The following PDZRN4 variants were observed in gnomAD, a reference collection of about 807,000 sequenced individuals.
PDZRN4 encodes PDZ domain containing ring finger 4.
In PDZRN4, 70 loss-of-function variants were observed where a neutral mutation model predicts 99.0. The ratio of observed to expected loss-of-function variants is 0.71; its 90% CI spans 0.58 to 0.86. The LOEUF (loss-of-function observed/expected upper bound fraction) is 0.86, where lower values mean the gene tolerates loss of function less well. PDZRN4 is among the 40% of genes least tolerant of loss of function. The probability of loss-of-function intolerance (pLI) is 0.00; values close to 1 mark genes in which losing one functional copy is unlikely to be tolerated. For missense variants in PDZRN4, 1,474 were observed against 1,331.2 expected (o/e 1.11, Z -1.67); for synonymous variants, 551 against 501.6 (o/e 1.10, Z -1.32).
At chr12:41,396,848 T>C (rs2121132157) in intron 3 of PDZRN4, among the ~76,000 whole-genome samples, 1 of 152,330 alleles carries the variant, frequency 6.6e-6, no homozygotes, top group Non-Finnish European at 1.5e-5. Flanking sequence ...CAAAGTGATT[T>C]CTTCATATTT....
chr12:41,376,035 C>T (rs952358701), intron 3 of PDZRN4, among the ~76,000 whole-genome samples: 2 of 152,122 alleles, frequency 1.3e-5, no homozygotes, highest in African/African-American at 4.8e-5. Flanking sequence ...TAGCATAATG[C>T]CTTCAAGTTT....
chr12:41,318,972 A>C (rs1951657022), intron 3 of PDZRN4, among the ~76,000 whole-genome samples: 1 of 152,176 alleles, frequency 6.6e-6, no homozygotes, highest in Non-Finnish European at 1.5e-5. Flanking sequence ...TGGAAGAAAT[A>C]AGTAACTTCT....
rs146181707 is a variant in PDZRN4, at chr12:41,265,757, A to G, written c.843+71569A>G. On this transcript the variant is annotated intron_variant, in intron 3 of 9. Transcript: ENST00000402685. ...TCATTGCATCATATTTTTAACTTAAATCAATGTATTGTAAAGGATACTATT... is the reference window on the plus strand; with the variant it reads ...TCATTGCATCATATTTTTAACTTAAGTCAATGTATTGTAAAGGATACTATT... Among the ~76,000 whole-genome samples, 1,211 of 152,332 alleles carry G rather than the reference A, an allele frequency of 7.9e-3. 12 individuals are homozygous for G. The highest frequency in any genetic ancestry group is 0.014 in the Admixed American group (208 of 15,288).
At chr12:41,222,978 C>A (rs936156378) in intron 3 of PDZRN4, among the ~76,000 whole-genome samples, 2 of 152,108 alleles carry the variant, frequency 1.3e-5, no homozygotes, top group Non-Finnish European at 1.5e-5. Context: ...TGTTTGGTAA[C>A]CAAATTACAG....
chr12:41,524,624 G>A (rs1017825387), intron 5 of PDZRN4, among the ~76,000 whole-genome samples: 6 of 152,102 alleles, frequency 3.9e-5, no homozygotes, highest in African/African-American at 1.4e-4. Flanking sequence ...GAGAATTACA[G>A]GCCCGATAAT....
chr12:41,354,668 G>T (rs116163006), intron 3 of PDZRN4, among the ~76,000 whole-genome samples: 3 of 151,978 alleles, frequency 2.0e-5, no homozygotes, highest in Non-Finnish European at 4.4e-5. Context: ...CAGAAGTGAG[G>T]AAGGCTATCA....
chr12:41,224,236 G>A (rs961095962), intron 3 of PDZRN4, among the ~76,000 whole-genome samples: 14 of 152,136 alleles, frequency 9.2e-5, no homozygotes, highest in African/African-American at 3.4e-4. Context: ...CTTGAGTTGG[G>A]CTTTTATTAA....
intron 3 of PDZRN4, among the ~76,000 whole-genome samples, chr12:41,240,500 T>C (rs1312838500): frequency 6.6e-6 from 1 of 152,212 alleles, no homozygotes; most frequent in African/African-American, 2.4e-5. Context: ...CTGCCAGATA[T>C]GTAGTTACAA....
chr12:41,471,982 TAAC>T (rs1216464336), intron 3 of PDZRN4, among the ~76,000 whole-genome samples: 1 of 150,916 alleles, frequency 6.6e-6, no homozygotes, highest in African/African-American at 2.4e-5. Flanking sequence ...ACGAATTTAA[TAAC>T]AATATTATTC....
chr12:41,448,708 CTA>C (rs1007451960), intron 3 of PDZRN4, among the ~76,000 whole-genome samples: 1 of 152,092 alleles, frequency 6.6e-6, no homozygotes, highest in African/African-American at 2.4e-5. Flanking sequence ...ACTACATATG[CTA>C]TGTTTTCTTG....
chr12:41,500,247 AGCCAGCT>A (rs943825039), intron 3 of PDZRN4, among the ~76,000 whole-genome samples: 33 of 152,046 alleles, frequency 2.2e-4, no homozygotes, highest in Non-Finnish European at 4.0e-4. Flanking sequence ...TGTCTGAGAA[AGCCAGCT>A]GCCTGGCAAA....
chr12:41,381,162 T>C (rs755976190), intron 3 of PDZRN4, among the ~76,000 whole-genome samples: 20 of 152,206 alleles, frequency 1.3e-4, no homozygotes, highest in Non-Finnish European at 2.8e-4. Context: ...TCTTTCACTT[T>C]TGGCAATTTT....
intron 3 of PDZRN4, among the ~76,000 whole-genome samples, chr12:41,257,483 G>T (rs12305252): frequency 0.089 from 13,603 of 152,194 alleles, 802 homozygotes; most frequent in African/African-American, 0.17. Context: ...TAGCAATGGT[G>T]AGTCAACTGC....
At chr12:41,392,734 G>A (rs377576669) in intron 3 of PDZRN4, among the ~76,000 whole-genome samples, 70 of 152,236 alleles carry the variant, frequency 4.6e-4, no homozygotes, top group South Asian at 3.1e-3. Context: ...TTCACCAGCC[G>A]TCTCTTCCAT....
chr12:41,536,761 T>TAA (rs59008796), intron 5 of PDZRN4, among the ~76,000 whole-genome samples: 8,660 of 137,376 alleles, frequency 0.063, 361 homozygotes, highest in Non-Finnish European at 0.088. Context: ...TATTGAAAAG[T>TAA]AAAAAAAAAA....
intron 3 of PDZRN4, among the ~76,000 whole-genome samples, chr12:41,279,263 C>A (rs1951368714): frequency 6.6e-6 from 1 of 152,146 alleles, no homozygotes; most frequent in African/African-American, 2.4e-5. Context: ...TTCCCTTAAA[C>A]TCAAAATTAT....
At chr12:41,349,047 G>A (rs1452213935) in intron 3 of PDZRN4, among the ~76,000 whole-genome samples, 2 of 151,898 alleles carry the variant, frequency 1.3e-5, no homozygotes, top group African/African-American at 2.4e-5. Flanking sequence ...ATGTTAGCCT[G>A]TTAAAAGATT....
In PDZRN4 at chr12:41,386,598, T is replaced by A. The variant is rs1952172187; in HGVS notation, c.844-119858T>A. Among the ~76,000 whole-genome samples the A allele has an allele frequency of 2.6e-5, 4 of 152,182 alleles. No homozygotes were observed. The South Asian group carries it at 8.3e-4, about 32-fold the overall frequency. ...TATACCTATTAAACTACCATTTGCA[T>A]TCTTTATAGAACTAGGAAAAACTAT... On this transcript the variant is annotated intron_variant, in intron 3 of 9. Coordinates refer to ENST00000402685, the MANE Select transcript of PDZRN4 (RefSeq NM_001164595.2).
intron 5 of PDZRN4, among the ~76,000 whole-genome samples, chr12:41,543,668 T>C (rs1242991473): frequency 6.6e-6 from 1 of 152,172 alleles, no homozygotes; most frequent in Non-Finnish European, 1.5e-5. Context: ...CTTTTTTGAA[T>C]CCATTCTCAG....
Sources: allele counts gnomAD v4.1 joint callset (sites outside exome capture counted in the v4.1 genomes callset), GRCh38; gene constraint gnomAD v4.1.1; transcripts MANE v1.5; gene names NCBI Gene and HGNC (gene_info 2026-07-23, HGNC 2026-07-21).